Variants in TTN observed in about 807,000 individuals in gnomAD.
The protein encoded by TTN is connectin.
In TTN, 1,525 loss-of-function variants were observed where a neutral mutation model predicts 3,223.0. The observed-to-expected ratio is 0.47, with a 90% confidence interval of 0.45 to 0.49. The LOEUF (loss-of-function observed/expected upper bound fraction) is 0.49. Among genes scored for constraint, TTN ranks in the 20% least tolerant of loss-of-function variants. The pLI, the probability that TTN is intolerant of heterozygous loss-of-function variation, is 0.00. For synonymous variants in TTN, 14,094 were observed against 15,161.0 expected (o/e 0.93, Z 5.17); for missense variants, 40,786 against 43,424.0 (o/e 0.94, Z 5.40).
intron 47 of TTN, chr2:178,747,996 G>A: frequency 6.2e-7 from 1 of 1,612,946 alleles, no homozygotes. Context: ...GTATATTCCT[G>A]TGTCCCACCA....
At chr2:178,664,299 T>G (rs573429756) in intron 168 of TTN, among the ~76,000 whole-genome samples, 161 bp downstream of exon 168, 1 of 152,218 alleles carries the variant, frequency 6.6e-6, no homozygotes, top group Non-Finnish European at 1.5e-5. Flanking sequence ...TTTGGGAGCT[T>G]CAGGCAGTTT....
chr2:178,615,926 G>C, intron 257 of TTN, 138 bp from the exon 258 acceptor site: 1 of 994,292 alleles, frequency 1.0e-6, no homozygotes. Context: ...TTTCATATTA[G>C]GGAAAATTGC....
intron 350 of TTN, 121 bp from the exon 351 acceptor site, chr2:178,540,491 C>T: frequency 1.1e-6 from 1 of 904,100 alleles, no homozygotes; most frequent in Non-Finnish European, 1.6e-6. Flanking sequence ...GTTTTTTTGT[C>T]TTGTGAAAAT....
chr2:178,572,039 C>T lies in TTN; in HGVS notation c.74093G>A (p.Ser24698Asn), dbSNP rs769515743. ...RVSAQNEKGI[S>N]DPRQLSVPVI... is the part of the protein sequence containing the mutation. Reference sequence around the variant, plus strand: ...TGGCACACTCAGTTGTCTAGGATCACTGATGCCCTTTTCATTCTGAGCTGA... The same window carrying T: ...TGGCACACTCAGTTGTCTAGGATCATTGATGCCCTTTTCATTCTGAGCTGA... Residue 24698 changes from serine (S) to asparagine (N), a missense_variant, in exon 326 of 363, where the codon AGT becomes AAT. By Grantham distance (46) the Ser-to-Asn change is conservative. Coordinates refer to ENST00000589042, the MANE Select transcript of TTN (RefSeq NM_001267550.2). 1 of 1,613,290 alleles carries T rather than the reference C, an allele frequency of 6.2e-7. No individual in the cohort carries two copies. The highest frequency in any genetic ancestry group is 8.5e-7 in the Non-Finnish European group (1 of 1,179,584).
rs1427136374 is a variant in TTN, at chr2:178,684,673, TG to T, written c.32630del (p.Pro10877GlnfsTer4). The T allele has an allele frequency of 6.2e-7, 1 of 1,606,732 alleles. No individual in the cohort carries two copies. Among genetic ancestry groups the T allele is most frequent in the African/African-American group, 1.3e-5 (1 of 74,100 alleles). ...PKVIKMEEPL[P>X]AKVTERHMQI... is the part of the protein sequence containing the mutation. ...CTGGGGAGGTTTGTTTACCTTTGGC[TG>T]GGAGAGGTTCTTCCATCTTAATGAC... On this transcript the variant is annotated frameshift_variant, in exon 131 of 363. Transcript: ENST00000589042. LOFTEE classifies it high-confidence loss of function.
chr2:178,562,345 T>C lies in TTN; in HGVS notation c.83787A>G (p.Gly27929=). Residue 27929 remains glycine (G), a synonymous_variant, in exon 326 of 363, where the codon GGA becomes GGG. Coordinates refer to ENST00000589042, the MANE Select transcript of TTN (RefSeq NM_001267550.2). ...LEATISGLTA[G]EEYVFRVAAV... is the part of the protein sequence containing the mutation. The stretch of plus-strand genomic sequence containing the variant: ...CAGCTACCCTGAAGACATACTCTTC[T>C]CCTGCAGTTAAGCCAGATATAGTTG... The C allele has an allele frequency of 6.2e-7, 1 of 1,611,278 alleles. No homozygotes were observed. The highest frequency in any genetic ancestry group is 8.5e-7 in the Non-Finnish European group (1 of 1,178,890).
Position 178,584,820 on chromosome 2 carries a change from C to A in TTN, c.64821G>T (p.Trp21607Cys). ...TTGTGACTGAAGCTAGAGCCGTGAC[C>A]CAGTCACCTCGGCTTACATCACACT... ...VEKCDVSRGD[W>C]VTALASVTKT... Residue 21607 changes from tryptophan (W) to cysteine (C), a missense_variant, in exon 310 of 363, where the codon TGG becomes TGT. Coordinates refer to ENST00000589042, the MANE Select transcript of TTN (RefSeq NM_001267550.2). The A allele has an allele frequency of 6.2e-7, 1 of 1,613,322 alleles. No individual in the cohort carries two copies. Among genetic ancestry groups the A allele is most frequent in the Non-Finnish European group, 8.5e-7 (1 of 1,179,512 alleles).
In TTN at chr2:178,724,377, T is replaced by C. The variant is rs1173819966; in HGVS notation, c.20998A>G (p.Asn7000Asp). 1.2e-6 allele frequency: 2 copies of C among 1,613,436 alleles called. No homozygotes were observed. The highest frequency in any genetic ancestry group is 1.7e-6 in the Non-Finnish European group (2 of 1,179,614). The change falls in exon 72 of 363, where the codon AAC (asparagine) becomes GAC (aspartate). Residue 7000 changes from asparagine to aspartate, a missense_variant. Asn to Asp is a conservative substitution (Grantham distance 23, BLOSUM62 1). Coordinates refer to ENST00000589042, the MANE Select transcript of TTN (RefSeq NM_001267550.2). ...AGAATCCTTAAGGAAGAGATTTTGT[T>C]GTAGAAGCTAAATTTGTGTTTTTGG... The part of the protein sequence containing the change: ...SSQKHKFSFY[N>D]KISSLRILSV...
In TTN at chr2:178,584,689, A is replaced by AT. The variant is rs1559530092; in HGVS notation, c.64951dup (p.Met21651AsnfsTer11). ...CATACCAAATGGGAACTGCGCAACC[A>AT]TCTTTGGAGATGTGAGAGGCTCTGA... On this transcript the variant is annotated frameshift_variant, in exon 310 of 363. Transcript: ENST00000589042. LOFTEE classifies it high-confidence loss of function. The AT allele has an allele frequency of 6.2e-7, 1 of 1,613,434 alleles. No homozygotes were observed.
At position 178,568,510 on chromosome 2, in the gene TTN, A is replaced by C. The variant is rs766227814; in HGVS notation, c.77622T>G (p.Asn25874Lys). The C allele has an allele frequency of 3.7e-6, 6 of 1,613,306 alleles. No homozygotes were observed. The highest frequency in any genetic ancestry group is 5.1e-6 in the Non-Finnish European group (6 of 1,179,568). Residue 25874 changes from asparagine (N) to lysine (K), a missense_variant, in exon 326 of 363, where the codon AAT (asparagine) becomes AAG (lysine). Coordinates refer to ENST00000589042, the MANE Select transcript of TTN (RefSeq NM_001267550.2). ...DGGQYGITVA[N>K]VVGQKTASIE... Reference sequence around the variant, plus strand: ...TGGATGCTGTCTTCTGACCAACAACATTGGCAACTGTGATTCCATATTGTC... The same window carrying C: ...TGGATGCTGTCTTCTGACCAACAACCTTGGCAACTGTGATTCCATATTGTC...
intron 111 of TTN, among the ~76,000 whole-genome samples, chr2:178,699,839 G>T (rs1380194257): frequency 7.1e-6 from 1 of 141,646 alleles, no homozygotes; most frequent in African/African-American, 2.7e-5. Context: ...CCATTCTCCT[G>T]CCTCAGCCTC....
In TTN at chr2:178,562,997, G is replaced by A; in HGVS notation, c.83135C>T (p.Ala27712Val). ...AGCCCTGTCAGTGAGAATGCCTTCT[G>A]CCTTTTCCCATTTAACTTCGGGTTC... The part of the protein sequence containing the change: ...RPEPEVKWEK[A>V]EGILTDRAQI... The change falls in exon 326 of 363, where the codon GCA (alanine) becomes GTA (valine). Residue 27712 changes from alanine to valine, a missense_variant. Coordinates refer to ENST00000589042, the MANE Select transcript of TTN (RefSeq NM_001267550.2). 6.2e-7 allele frequency: 1 copy of A among 1,613,674 alleles called. No individual in the cohort carries two copies. Among genetic ancestry groups the A allele is most frequent in the South Asian group, 1.1e-5 (1 of 91,084 alleles).
Position 178,564,459 on chromosome 2 carries a change from C to G in TTN, c.81673G>C (p.Val27225Leu). ...CTCACTGTAAATTCAGTTTCTAATA[C>G]GTTGGTAAAGCTGGCTTTCATCCAG... ...GRWMKASFTN[V>L]LETEFTVSGL... is the part of the protein sequence containing the mutation. Residue 27225 changes from valine to leucine, a missense_variant, in exon 326 of 363, where the codon GTA (valine) becomes CTA (leucine). Transcript: ENST00000589042. 1 of 1,612,152 alleles carries G rather than the reference C, an allele frequency of 6.2e-7. No homozygotes were observed. The highest frequency in any genetic ancestry group is 8.5e-7 in the Non-Finnish European group (1 of 1,178,948).
intron 13 of TTN, among the ~76,000 whole-genome samples, chr2:178,787,320 C>T (rs10497522): frequency 0.069 from 10,406 of 151,856 alleles, 559 homozygotes; most frequent in South Asian, 0.19. Context: ...TCATCTGCCT[C>T]GAAGGACTGC....
rs551911856 is a variant in TTN at position 178,677,720 on chromosome 2, C to A, written c.34192G>T (p.Val11398Phe). 2.0e-5 allele frequency: 32 copies of A among 1,612,856 alleles called. No individual in the cohort carries two copies. The African/African-American group carries it at 3.2e-4, about 16-fold the overall frequency. Residue 11398 changes from valine to phenylalanine, a missense_variant, in exon 146 of 363, where the codon GTT becomes TTT. Val to Phe is a conservative substitution (Grantham distance 50). Transcript: ENST00000589042. Reference protein sequence around the residue: ...EEEIPPEEEEVPPEEEYVPEE... With the variant: ...EEEIPPEEEEFPPEEEYVPEE... ...GGTACATATTCTTCTTCGGGAGGAACTTCCTCTTCCTCAGGTGGAATTTCC... is the reference window on the plus strand; with the variant it reads ...GGTACATATTCTTCTTCGGGAGGAAATTCCTCTTCCTCAGGTGGAATTTCC...
At position 178,561,483 on chromosome 2, in the gene TTN, A is replaced by G. The variant is rs1271151421; in HGVS notation, c.84649T>C (p.Ser28217Pro). The G allele has an allele frequency of 8.7e-6, 14 of 1,613,660 alleles. No homozygotes were observed. In the African/African-American group the frequency reaches 1.7e-4, roughly 20 times the overall value. ...TACATCAGTCCTTCATCAAGGCCGGAGACTTTCATTTGAGTATCAGCAATG... is the reference window on the plus strand; with the variant it reads ...TACATCAGTCCTTCATCAAGGCCGGGGACTTTCATTTGAGTATCAGCAATG... ...ILIADTQMKV[S>P]GLDEGLMYEY... The change falls in exon 326 of 363, where the codon TCC (serine) becomes CCC (proline). Residue 28217 changes from serine (S) to proline (P), a missense_variant. Ser to Pro is a moderately conservative substitution (Grantham distance 74). Transcript: ENST00000589042.
rs539352436 is a variant in TTN at position 178,745,862 on chromosome 2, G to C, written c.11312-3941C>G. On this transcript the variant is annotated intron_variant, in intron 47 of 362. Coordinates refer to ENST00000589042, the MANE Select transcript of TTN (RefSeq NM_001267550.2). ...AGAAATACCTTTGATAAACCTGGGA[G>C]GCCCTTCCACCACCTGAAATTCAAA... 3.1e-6 allele frequency: 5 copies of C among 1,612,852 alleles called. No individual in the cohort carries two copies. In the East Asian group the frequency reaches 8.9e-5, roughly 29 times the overall value.
At chr2:178,774,899 G>T in intron 29 of TTN, 22 bp downstream of exon 29, 1 of 1,613,056 alleles carries the variant, frequency 6.2e-7, no homozygotes. Flanking sequence ...GGTAAACAAT[G>T]AAATCCTTCG....
At position 178,674,350 on chromosome 2, in the gene TTN, T is replaced by C. The variant is rs1477342252; in HGVS notation, c.34672A>G (p.Ser11558Gly). 6.3e-7 allele frequency: 1 copy of C among 1,598,870 alleles called. No homozygotes were observed. The highest frequency in any genetic ancestry group is 8.5e-7 in the Non-Finnish European group (1 of 1,171,306). The change falls in exon 151 of 363, where the codon AGC becomes GGC. Residue 11558 changes from serine (S) to glycine (G), a missense_variant. Ser to Gly is a moderately conservative substitution (Grantham distance 56). Coordinates refer to ENST00000589042, the MANE Select transcript of TTN (RefSeq NM_001267550.2). Reference sequence around the variant, plus strand: ...GCCACCTCTTCAACTTCCTCTATGCTAGGTGGTTCTTCTGGGATTTCTTCT... The same window carrying C: ...GCCACCTCTTCAACTTCCTCTATGCCAGGTGGTTCTTCTGGGATTTCTTCT... ...SEEEIPEEPP[S>G]IEEVEEVAPP...
Sources: gnomAD v4.1 joint callset for allele counts (sites outside exome capture counted in the v4.1 genomes callset) on GRCh38, gnomAD v4.1.1 for gene constraint, MANE v1.5 for transcripts, NCBI Gene and HGNC (gene_info 2026-07-23, HGNC 2026-07-21) for gene names.